MTSS2: variants seen among roughly 807,000 people sequenced by gnomAD.
MTSS2 encodes the protein protein MTSS 2.
Under a neutral mutation model 67.1 loss-of-function variants are expected in MTSS2, and 27 were observed. The observed-to-expected ratio is 0.40, with a 90% confidence interval of 0.30 to 0.55. The LOEUF (loss-of-function observed/expected upper bound fraction) is 0.55. Ranked by LOEUF, MTSS2 falls within the 20% of genes least tolerant of loss-of-function variation. The pLI, the probability that MTSS2 is intolerant of heterozygous loss-of-function variation, is 0.43. For missense variants in MTSS2, 1,171 were observed against 1,067.8 expected, an observed-to-expected ratio of 1.10 and a Z score of -1.35; for synonymous variants, 624 against 468.6, an observed-to-expected ratio of 1.33 and a Z score of -4.28.
At chr16:70,678,436 G>A in intron 7 of MTSS2, 27 bp from the exon 8 acceptor site, 1 of 1,590,742 alleles carries the variant, frequency 6.3e-7, no homozygotes. Context: ...GAGAGGCCTT[G>A]CTGGGGATGC....
At chr16:70,680,377 A>G (rs2053265302) in intron 3 of MTSS2, among the ~76,000 whole-genome samples, 1 of 152,112 alleles carries the variant, frequency 6.6e-6, no homozygotes, top group Non-Finnish European at 1.5e-5. Context: ...GAGTGTGAGC[A>G]CGCCCAGGGC....
At position 70,679,783 on chromosome 16, in the gene MTSS2, C is replaced by T. The variant is rs1455722864; in HGVS notation, c.382+3G>A. The T allele has an allele frequency of 1.2e-6, 2 of 1,611,654 alleles. No individual in the cohort carries two copies. ...GGGAAGCCCGGCTCCGCGCCACCCTCACCTTTCGCGTGGTCCTTGTCCAGC... is the reference window on the plus strand; with the variant it reads ...GGGAAGCCCGGCTCCGCGCCACCCTTACCTTTCGCGTGGTCCTTGTCCAGC... On this transcript the variant is annotated splice_donor_region_variant and intron_variant, in intron 5 of 14. Coordinates refer to ENST00000338779, the MANE Select transcript of MTSS2 (RefSeq NM_138383.3).
Position 70,665,359 on chromosome 16 carries a change from C to T in MTSS2, c.1128+107G>A, listed in dbSNP as rs530967086. ...TGGGGACAGGTGCTGTGTGCACGCA[C>T]CCCTGGCTGAACCCAGGCCCTTTGT... On this transcript the variant is annotated intron_variant, in intron 12 of 14. Coordinates refer to ENST00000338779, the MANE Select transcript of MTSS2 (RefSeq NM_138383.3). The T allele has an allele frequency of 3.3e-6, 4 of 1,229,726 alleles. No homozygotes were observed. The African/African-American group carries it at 4.5e-5, about 14-fold the overall frequency. 76.2% of individuals were successfully genotyped at this position (1,229,726 alleles called of 1,614,324 possible).
chr16:70,664,752 C>G lies in MTSS2; in HGVS notation c.1317G>C (p.Glu439Asp). The change falls in exon 14 of 15, where the codon GAG becomes GAC. Residue 439 changes from glutamate (E) to aspartate (D), a missense_variant. By Grantham distance (45) the Glu-to-Asp change is conservative. Coordinates refer to ENST00000338779, the MANE Select transcript of MTSS2 (RefSeq NM_138383.3). ...CCAGGTCACTGGCGGCGGGGGACAC[C>G]TCCTCACCGTGCTGAGGGTGGGAAA... ...PATIAAKHGEEVSPAASDLAM... is the reference protein window; with the variant it reads ...PATIAAKHGEDVSPAASDLAM... 1 of 1,611,152 alleles carries G rather than the reference C, an allele frequency of 6.2e-7. No individual in the cohort carries two copies. Among genetic ancestry groups the G allele is most frequent in the Admixed American group, 1.7e-5 (1 of 59,704 alleles).
intron 1 of MTSS2, among the ~76,000 whole-genome samples, chr16:70,681,843 G>GC (rs368224209): frequency 3.9e-5 from 6 of 152,260 alleles, no homozygotes; most frequent in African/African-American, 1.4e-4. Context: ...GTTAACGCAT[G>GC]CCCCGGGGTC....
At chr16:70,679,229 T>C in intron 7 of MTSS2, 86 bp downstream of exon 7, 1 of 1,521,598 alleles carries the variant, frequency 6.6e-7, no homozygotes, top group Non-Finnish European at 9.1e-7. Context: ...CCTGGAGAGG[T>C]TCCTTCCAAT....
intron 1 of MTSS2, among the ~76,000 whole-genome samples, chr16:70,684,769 C>G (rs1443776863): frequency 6.6e-6 from 1 of 152,224 alleles, no homozygotes. Context: ...TTCCTGGCCC[C>G]CACCCTATCA....
chr16:70,677,640 G>A, intron 9 of MTSS2, 152 bp downstream of exon 9: 1 of 623,488 alleles, frequency 1.6e-6, no homozygotes, highest in Non-Finnish European at 2.8e-6. Flanking sequence ...GCTCCGGGAT[G>A]GCCTGCAGTG....
intron 12 of MTSS2, 41 bp from the exon 13 acceptor site, chr16:70,665,137 T>A: frequency 1.3e-6 from 2 of 1,559,374 alleles, no homozygotes; most frequent in Non-Finnish European, 1.7e-6. Context: ...CCACTGGCCC[T>A]ACCACCTATG....
At position 70,665,051 on chromosome 16, in the gene MTSS2, G is replaced by C. The variant is rs781302041; in HGVS notation, c.1174C>G (p.Leu392Val). 10 of 1,597,864 alleles carry C rather than the reference G, an allele frequency of 6.3e-6. No homozygotes were observed. In the East Asian group the frequency reaches 1.6e-4, roughly 25 times the overall value. The change falls in exon 13 of 15, where the codon CTG (leucine) becomes GTG (valine). Residue 392 changes from leucine to valine, a missense_variant. Around this residue, in one of 2 missense-constraint regions of MTSS2, gnomAD observed 924 missense variants for 756.0 expected, o/e 1.22. Coordinates refer to ENST00000338779, the MANE Select transcript of MTSS2 (RefSeq NM_138383.3). ...GSHEQPSGAT[L>V]QRRKDRVELL... ...TCCACTCGGTCCTTCCTCCGCTGCA[G>C]AGTGGCGCCTGAGGGCTGCTCATGG...
In MTSS2 at chr16:70,663,615, C is replaced by T. The variant is rs904604534; in HGVS notation, c.*62G>A. ...GCTGGGCCTTTGCTCTGAGTGCCTG[C>T]GGCTCACAGACCAGGCCACCTGCTC... On this transcript the variant is annotated 3_prime_UTR_variant, in exon 15 of 15. Transcript: ENST00000338779. 1.8e-5 allele frequency: 26 copies of T among 1,478,024 alleles called. No homozygotes were observed. Among genetic ancestry groups the T allele is most frequent in the Non-Finnish European group, 2.0e-5 (22 of 1,113,074 alleles). 91.6% of individuals were successfully genotyped at this position (1,478,024 alleles called of 1,614,324 possible). A position where few individuals can be genotyped will look rare whatever the true frequency, so the allele number is the denominator to read the frequency against.
At chr16:70,668,979 A>G (rs752923998) in intron 11 of MTSS2, among the ~76,000 whole-genome samples, 5 of 152,104 alleles carry the variant, frequency 3.3e-5, no homozygotes, top group Non-Finnish European at 7.3e-5. Context: ...GGATATCCAT[A>G]TGAAAAAAAG....
chr16:70,679,593 C>T (rs1466013234), intron 6 of MTSS2, 37 bp downstream of exon 6: 2 of 1,562,454 alleles, frequency 1.3e-6, no homozygotes, highest in South Asian at 1.2e-5. Flanking sequence ...GGAGCGGGGC[C>T]GTGGGGCTGT....
Position 70,674,295 on chromosome 16 carries a change from C to T in MTSS2, c.1053+11G>A, listed in dbSNP as rs370449190. 3.0e-5 allele frequency: 48 copies of T among 1,610,598 alleles called. No homozygotes were observed. In the East Asian group the frequency reaches 3.1e-4, roughly 10 times the overall value. On this transcript the variant is annotated intron_variant, in intron 11 of 14. Transcript: ENST00000338779. ...ACCCCACCCTGACTGATCCTCCTAA[C>T]GCCCCCTCACCTGGCTGGTGATGTC...
In MTSS2 at chr16:70,680,951, T is replaced by C. The variant is rs910729727; in HGVS notation, c.131+13A>G. ...CTGCCCCTCCCCTGCTGGGGTGCCC[T>C]GGGCCACCTCACCTCAGCTGGGAAT... On this transcript the variant is annotated intron_variant, in intron 2 of 14. Coordinates refer to ENST00000338779, the MANE Select transcript of MTSS2 (RefSeq NM_138383.3). 4.4e-6 allele frequency: 7 copies of C among 1,596,034 alleles called. No homozygotes were observed. Among genetic ancestry groups the C allele is most frequent in the Middle Eastern group, 1.7e-4 (1 of 5,980 alleles).
chr16:70,664,982 G>T lies in MTSS2; in HGVS notation c.1243C>A (p.Leu415Met). The change falls in exon 13 of 15, where the codon CTG becomes ATG. Residue 415 changes from leucine (L) to methionine (M), a missense_variant. Around this residue, in one of 2 missense-constraint regions of MTSS2, gnomAD observed 924 missense variants for 756.0 expected, o/e 1.22. Coordinates refer to ENST00000338779, the MANE Select transcript of MTSS2 (RefSeq NM_138383.3). ...GGTGCCTCTTCCCCGCTGGGGCCCA[G>T]GGTGCCCCCACTGGCAGGGCCTGGC... Reference protein sequence around the residue: ...TEPGPASGGTLGPSGEEAPRP... With the variant: ...TEPGPASGGTMGPSGEEAPRP... The T allele has an allele frequency of 6.3e-7, 1 of 1,586,858 alleles. No individual in the cohort carries two copies. Among genetic ancestry groups the T allele is most frequent in the Non-Finnish European group, 8.5e-7 (1 of 1,174,938 alleles).
At chr16:70,667,701 T>C (rs372636035) in intron 11 of MTSS2, among the ~76,000 whole-genome samples, 1 of 151,210 alleles carries the variant, frequency 6.6e-6, no homozygotes, top group East Asian at 2.0e-4. Flanking sequence ...GGTGAAACAC[T>C]GTCTCTACTA....
chr16:70,680,187 C>G (rs1459005902), intron 3 of MTSS2, 132 bp from the exon 4 acceptor site: 1 of 352,590 alleles, frequency 2.8e-6, no homozygotes, highest in Admixed American at 5.7e-5. Context: ...GAGCCGCAGT[C>G]CCGCCGGCCC....
In MTSS2 at chr16:70,680,813, G is replaced by T; in HGVS notation, c.186C>A (p.Asp62Glu). Residue 62 changes from aspartate to glutamate, a missense_variant, in exon 3 of 15, where the codon GAC becomes GAA. Asp to Glu is a conservative substitution (Grantham distance 45, BLOSUM62 2). Transcript: ENST00000338779. ...CCCCACCTCGGGTGTTGGTAGCCATGTCAGCCACTTTCTGGAAGGCATCCA... is the reference window on the plus strand; with the variant it reads ...CCCCACCTCGGGTGTTGGTAGCCATTTCAGCCACTTTCTGGAAGGCATCCA... Reference protein sequence around the residue: ...AFLDAFQKVADMATNTRGATR... With the variant: ...AFLDAFQKVAEMATNTRGATR... The T allele has an allele frequency of 6.4e-7, 1 of 1,553,124 alleles. No individual in the cohort carries two copies. Among genetic ancestry groups the T allele is most frequent in the South Asian group, 1.2e-5 (1 of 84,364 alleles).
Sources: allele counts gnomAD v4.1 joint callset (sites outside exome capture counted in the v4.1 genomes callset), GRCh38; gene constraint gnomAD v4.1.1; regional missense constraint gnomAD v4.1.1; transcripts MANE v1.5; gene names NCBI Gene and HGNC (gene_info 2026-07-23, HGNC 2026-07-21).